The following FGF12 variants were observed in gnomAD, a reference collection of about 807,000 sequenced individuals.
FGF12 encodes fibroblast growth factor 12B.
FGF12 carries 14 observed loss-of-function variants against 23.6 expected under a neutral mutation model. The ratio of observed to expected loss-of-function variants is 0.59; its 90% CI spans 0.39 to 0.93. The LOEUF (loss-of-function observed/expected upper bound fraction) is 0.93. Ranked by LOEUF, FGF12 falls within the 40% of genes least tolerant of loss-of-function variation. The pLI is 0.00. For missense variants in FGF12, 175 were observed against 217.8 expected (o/e 0.80, Z 1.24); for synonymous variants, 62 against 77.3 (o/e 0.80, Z 1.04).
chr3:192,605,690 C>A (rs562230604), intron 2 of FGF12, among the ~76,000 whole-genome samples: 1 of 152,096 alleles, frequency 6.6e-6, no homozygotes, highest in African/African-American at 2.4e-5. Flanking sequence ...CCAACAAAAA[C>A]AGAAAAATAC....
chr3:192,643,509 G>T (rs1201566229), intron 2 of FGF12, among the ~76,000 whole-genome samples: 1 of 149,532 alleles, frequency 6.7e-6, no homozygotes, highest in Non-Finnish European at 1.5e-5. Context: ...TATACTTTCT[G>T]TCCCTCATTC....
chr3:192,256,504 C>T (rs377567447), intron 4 of FGF12, among the ~76,000 whole-genome samples: 8 of 151,554 alleles, frequency 5.3e-5, no homozygotes, highest in Admixed American at 2.6e-4. Flanking sequence ...GTAAAATATG[C>T]GGGTTTACTT....
At chr3:192,682,878 T>A (rs923997206) in intron 2 of FGF12, among the ~76,000 whole-genome samples, 1 of 152,190 alleles carries the variant, frequency 6.6e-6, no homozygotes, top group African/African-American at 2.4e-5. Flanking sequence ...GCCTAAGTAA[T>A]AAAACCCTAA....
intron 3 of FGF12, among the ~76,000 whole-genome samples, chr3:192,359,077 G>C (rs376970725): frequency 4.3e-4 from 65 of 152,230 alleles, no homozygotes; most frequent in African/African-American, 1.5e-3. Context: ...CTTCTACACT[G>C]AGTTGAAAGC....
chr3:192,634,967 C>A (rs1715525708), intron 2 of FGF12, among the ~76,000 whole-genome samples: 1 of 152,158 alleles, frequency 6.6e-6, no homozygotes, highest in African/African-American at 2.4e-5. Context: ...TCAAGCGATT[C>A]TCCCGCCTCA....
chr3:192,550,779 G>T (rs1018435801), intron 2 of FGF12, among the ~76,000 whole-genome samples: 1 of 152,026 alleles, frequency 6.6e-6, no homozygotes, highest in Non-Finnish European at 1.5e-5. Context: ...TTAAGAAAAA[G>T]AATATAATTC....
intron 2 of FGF12, among the ~76,000 whole-genome samples, chr3:192,671,021 T>C (rs1258088453): frequency 6.6e-6 from 1 of 152,204 alleles, no homozygotes; most frequent in Non-Finnish European, 1.5e-5. Context: ...CCTAGATCTA[T>C]CTTATTTGTC....
intron 5 of FGF12, among the ~76,000 whole-genome samples, chr3:192,148,691 T>A (rs1713862963): frequency 2.0e-5 from 3 of 152,206 alleles, no homozygotes; most frequent in Non-Finnish European, 4.4e-5. Flanking sequence ...AAGAAGTGAC[T>A]ATTAAAGCCA....
At chr3:192,280,205 T>C (rs1714062977) in intron 4 of FGF12, among the ~76,000 whole-genome samples, 1 of 152,200 alleles carries the variant, frequency 6.6e-6, no homozygotes, top group Non-Finnish European at 1.5e-5. Context: ...TTGTAAATCC[T>C]ACTTTGCAAA....
rs997424303 is a variant in FGF12 at position 192,455,918 on chromosome 3, A to C, written c.14-95380T>G. 2.0e-4 allele frequency among the ~76,000 whole-genome samples: 30 copies of C among 152,332 alleles called. 1 individual carries two copies. The highest frequency in any genetic ancestry group is 7.0e-4 in the African/African-American group (29 of 41,570). On this transcript the variant is annotated intron_variant, in intron 2 of 5. Transcript: ENST00000445105. Reference sequence around the variant, plus strand: ...TCATAAAGATGAAAACATACTTCACACAGTTCATGGGATGCTCAAGACAGA... The same window carrying C: ...TCATAAAGATGAAAACATACTTCACCCAGTTCATGGGATGCTCAAGACAGA...
chr3:192,163,856 A>T, intron 5 of FGF12, among the ~76,000 whole-genome samples: 1 of 113,972 alleles, frequency 8.8e-6, no homozygotes, highest in Non-Finnish European at 2.0e-5. Context: ...TGTGTGTGTT[A>T]GTACTGTCTC....
At chr3:192,385,970 T>G (rs1457801758) in intron 2 of FGF12, among the ~76,000 whole-genome samples, 1 of 152,166 alleles carries the variant, frequency 6.6e-6, no homozygotes, top group Non-Finnish European at 1.5e-5. Flanking sequence ...TACCTAAGAA[T>G]TAAAGCAATC....
chr3:192,218,219 A>C (rs1188155175), intron 4 of FGF12, among the ~76,000 whole-genome samples: 1 of 152,160 alleles, frequency 6.6e-6, no homozygotes, highest in East Asian at 1.9e-4. Context: ...GAGAACTTTA[A>C]ATTTGAGTTC....
chr3:192,702,119 A>G (rs7648030), intron 2 of FGF12, among the ~76,000 whole-genome samples: 3,725 of 152,268 alleles, frequency 0.024, 164 homozygotes, highest in African/African-American at 0.086. Flanking sequence ...GATCATGCAT[A>G]CTTTCCTTTC....
At chr3:192,310,934 T>C (rs1715898912) in intron 4 of FGF12, among the ~76,000 whole-genome samples, 2 of 152,176 alleles carry the variant, frequency 1.3e-5, no homozygotes, top group Admixed American at 6.5e-5. Flanking sequence ...TTTTGGTCCA[T>C]CACCAGAGTG....
At chr3:192,373,560 A>T (rs1454522025) in intron 2 of FGF12, among the ~76,000 whole-genome samples, 1 of 152,234 alleles carries the variant, frequency 6.6e-6, no homozygotes, top group Non-Finnish European at 1.5e-5. Flanking sequence ...ATATTAATAC[A>T]ATTAATTTAT....
At chr3:192,641,701 T>G (rs1056452443) in intron 2 of FGF12, among the ~76,000 whole-genome samples, 1 of 152,188 alleles carries the variant, frequency 6.6e-6, no homozygotes, top group Non-Finnish European at 1.5e-5. Flanking sequence ...CCACAGTGCC[T>G]GGCCGGCCTT....
At chr3:192,544,656 C>T (rs925419339) in intron 2 of FGF12, among the ~76,000 whole-genome samples, 1 of 152,030 alleles carries the variant, frequency 6.6e-6, no homozygotes, top group African/African-American at 2.4e-5. Flanking sequence ...TTAAATTTTA[C>T]AATTTTTTTT....
At chr3:192,644,808 G>A (rs1020457861) in intron 2 of FGF12, among the ~76,000 whole-genome samples, 3 of 152,238 alleles carry the variant, frequency 2.0e-5, no homozygotes, top group Non-Finnish European at 4.4e-5. Context: ...GTTACAGATC[G>A]CTATCATGAT....
Sources: allele counts gnomAD v4.1 joint callset (sites outside exome capture counted in the v4.1 genomes callset), GRCh38; gene constraint gnomAD v4.1.1; transcripts MANE v1.5; gene names NCBI Gene and HGNC (gene_info 2026-07-23, HGNC 2026-07-21).